Variants in DPYD observed in about 807,000 individuals in gnomAD.
DPYD encodes the protein dihydropyrimidine dehydrogenase [NADP(+)].
A neutral mutation model predicts 116.2 loss-of-function variants in DPYD; 109 were observed. That is an observed-to-expected ratio of 0.94 (90% CI 0.80 to 1.10). The LOEUF is 1.10. Ranked by LOEUF, DPYD falls within the 50% of genes least tolerant of loss-of-function variation. The probability of loss-of-function intolerance (pLI) is 0.00; values close to 1 mark genes in which losing one functional copy is unlikely to be tolerated. For synonymous variants in DPYD, 440 were observed against 432.0 expected (o/e 1.02, Z -0.23); for missense variants, 1,302 against 1,254.5 (o/e 1.04, Z -0.57).
chr1:97,814,527 G>A (rs915640423), intron 3 of DPYD, among the ~76,000 whole-genome samples: 2 of 152,070 alleles, frequency 1.3e-5, no homozygotes, highest in Non-Finnish European at 2.9e-5. Context: ...AGCTTTAACA[G>A]GAATTTTTAT....
At chr1:97,582,137 C>T (rs141409941) in intron 10 of DPYD, among the ~76,000 whole-genome samples, 2 of 152,266 alleles carry the variant, frequency 1.3e-5, no homozygotes. Context: ...ATGCAAGTTA[C>T]ATAACTATCT....
intron 3 of DPYD, among the ~76,000 whole-genome samples, chr1:97,805,653 C>T (rs1404509739): frequency 6.6e-6 from 1 of 151,462 alleles, no homozygotes; most frequent in Non-Finnish European, 1.5e-5. Flanking sequence ...AACCACAACA[C>T]CATATTTTTT....
chr1:97,261,064 T>A (rs1346391744), intron 18 of DPYD, among the ~76,000 whole-genome samples: 1 of 152,136 alleles, frequency 6.6e-6, no homozygotes, highest in Non-Finnish European at 1.5e-5. Flanking sequence ...TTGTAAATGA[T>A]CACTGAATTG....
intron 10 of DPYD, among the ~76,000 whole-genome samples, chr1:97,592,969 G>A (rs1171801035): frequency 1.3e-5 from 2 of 152,104 alleles, no homozygotes; most frequent in Non-Finnish European, 2.9e-5. Context: ...TACATTTCAA[G>A]CATATTAACA....
intron 3 of DPYD, among the ~76,000 whole-genome samples, chr1:97,748,984 A>G (rs190777391): frequency 4.6e-5 from 7 of 152,328 alleles, no homozygotes; most frequent in African/African-American, 1.7e-4. Context: ...TTATGGTTGC[A>G]TATGTTTGAA....
intron 3 of DPYD, among the ~76,000 whole-genome samples, chr1:97,786,781 T>C (rs1395826351): frequency 6.6e-6 from 1 of 152,230 alleles, no homozygotes; most frequent in Non-Finnish European, 1.5e-5. Flanking sequence ...GAGTTATTAC[T>C]TATTTTGTTT....
intron 2 of DPYD, among the ~76,000 whole-genome samples, chr1:97,834,398 A>G (rs905169396): frequency 1.3e-5 from 2 of 152,006 alleles, no homozygotes; most frequent in Middle Eastern, 3.4e-3. Context: ...AGCCAATTCA[A>G]TAGGGTAACT....
chr1:97,086,407 A>G (rs2101568916), intron 21 of DPYD, among the ~76,000 whole-genome samples: 1 of 151,256 alleles, frequency 6.6e-6, no homozygotes, highest in African/African-American at 2.4e-5. Context: ...TATAAAGTTT[A>G]AGGCCAAAGA....
chr1:97,474,612 TCA>T (rs201003495), intron 13 of DPYD, among the ~76,000 whole-genome samples: 2,204 of 151,996 alleles, frequency 0.015, 35 homozygotes, highest in African/African-American at 0.05. Context: ...AGTTTTTCTG[TCA>T]CAGTTTAAGA....
intron 20 of DPYD, among the ~76,000 whole-genome samples, chr1:97,182,400 G>GT (rs1405727749): frequency 6.6e-6 from 1 of 152,002 alleles, no homozygotes; most frequent in Non-Finnish European, 1.5e-5. Flanking sequence ...AGGGACTGGT[G>GT]TTTTGTTTTT....
chr1:97,167,503 T>C (rs1348052285), intron 20 of DPYD, among the ~76,000 whole-genome samples: 3 of 152,172 alleles, frequency 2.0e-5, no homozygotes, highest in Non-Finnish European at 2.9e-5. Flanking sequence ...AGTAGGATGC[T>C]TTCTATATTC....
chr1:97,706,355 A>T (rs1179898191), intron 5 of DPYD, among the ~76,000 whole-genome samples: 7 of 151,938 alleles, frequency 4.6e-5, no homozygotes, highest in Admixed American at 4.6e-4. Context: ...CTGCCTCCCT[A>T]TTATCAACAT....
chr1:97,915,120 T>G (rs1197075699), intron 1 of DPYD, among the ~76,000 whole-genome samples: 1 of 152,158 alleles, frequency 6.6e-6, no homozygotes, highest in Non-Finnish European at 1.5e-5. Context: ...TCCTTATAGC[T>G]ATTGCATGAA....
intron 8 of DPYD, among the ~76,000 whole-genome samples, chr1:97,647,904 T>C (rs1414806456): frequency 1.3e-5 from 2 of 152,010 alleles, no homozygotes; most frequent in Non-Finnish European, 2.9e-5. Flanking sequence ...ACATCTGATA[T>C]TTTGCCAATT....
chr1:97,790,706 T>G (rs1667278219), intron 3 of DPYD, among the ~76,000 whole-genome samples: 1 of 152,232 alleles, frequency 6.6e-6, no homozygotes, highest in Non-Finnish European at 1.5e-5. Context: ...TCACTCATCT[T>G]TAGAATTCTT....
At chr1:97,531,104 G>C (rs959809877) in intron 12 of DPYD, among the ~76,000 whole-genome samples, 2 of 152,132 alleles carry the variant, frequency 1.3e-5, no homozygotes, top group African/African-American at 4.8e-5. Flanking sequence ...CTATGCAGAA[G>C]TTCTTTTAGT....
At chr1:97,240,210 C>G (rs1159251696) in intron 18 of DPYD, among the ~76,000 whole-genome samples, 1 of 151,416 alleles carries the variant, frequency 6.6e-6, no homozygotes, top group African/African-American at 2.4e-5. Context: ...GGAAAAAAAG[C>G]CTCAAAAGGC....
At chr1:97,147,607 A>C (rs1024611344) in intron 20 of DPYD, among the ~76,000 whole-genome samples, 3 of 152,214 alleles carry the variant, frequency 2.0e-5, no homozygotes, top group African/African-American at 7.2e-5. Flanking sequence ...AAAAGCCTAA[A>C]CCAGGATATT....
At chr1:97,644,402 T>C (rs10518637) in intron 8 of DPYD, among the ~76,000 whole-genome samples, 9,020 of 152,106 alleles carry the variant, frequency 0.059, 308 homozygotes, top group Middle Eastern at 0.13. Flanking sequence ...CAGATGGTAA[T>C]ACATTATAAA....
Sources: gnomAD v4.1 joint callset for allele counts (sites outside exome capture counted in the v4.1 genomes callset) on GRCh38, gnomAD v4.1.1 for gene constraint, MANE v1.5 for transcripts, NCBI Gene and HGNC (gene_info 2026-07-23, HGNC 2026-07-21) for gene names.